Variants in JPH3 observed in about 807,000 individuals in gnomAD.
JPH3 encodes junctophilin-3.
Under a neutral mutation model 59.6 loss-of-function variants are expected in JPH3, and 11 were observed. The observed-to-expected ratio is 0.18, with a 90% CI of 0.12 to 0.31. The LOEUF is 0.31. JPH3 is among the 10% of genes least tolerant of loss of function. JPH3 has a pLI of 1.00. For missense variants in JPH3, 1,202 were observed against 1,105.7 expected, an observed-to-expected ratio of 1.09 and a Z score of -1.24; for synonymous variants, 673 against 483.6, an observed-to-expected ratio of 1.39 and a Z score of -5.14.
chr16:87,641,009 G>A (rs929116068), intron 1 of JPH3, among the ~76,000 whole-genome samples: 2 of 152,226 alleles, frequency 1.3e-5, no homozygotes, highest in South Asian at 4.1e-4. Flanking sequence ...GCCTGGAAGG[G>A]CGTTCGGGTG....
chr16:87,638,427 A>G (rs577040905), intron 1 of JPH3, among the ~76,000 whole-genome samples: 50 of 152,178 alleles, frequency 3.3e-4, no homozygotes, highest in Non-Finnish European at 6.6e-4. Context: ...CCGGAACGCC[A>G]GAGGCTACTG....
At chr16:87,680,872 A>G (rs1399141931) in intron 2 of JPH3, among the ~76,000 whole-genome samples, 1 of 152,218 alleles carries the variant, frequency 6.6e-6, no homozygotes, top group Non-Finnish European at 1.5e-5. Flanking sequence ...AAACACACGT[A>G]TGATGTTGGT....
At chr16:87,645,256 G>T (rs913746326) in intron 2 of JPH3, among the ~76,000 whole-genome samples, 1 of 152,214 alleles carries the variant, frequency 6.6e-6, no homozygotes, top group Non-Finnish European at 1.5e-5. Context: ...TGATTTGTGG[G>T]GGTGTAGAGG....
intron 2 of JPH3, among the ~76,000 whole-genome samples, chr16:87,659,816 A>G (rs944521921): frequency 6.6e-6 from 1 of 152,024 alleles, no homozygotes; most frequent in African/African-American, 2.4e-5. Context: ...ACCACCATCT[A>G]TCTCCAGAAC....
At chr16:87,620,486 G>GGAGAGAAGGAGAGGAGAGAGGGAGA (rs147963320) in intron 1 of JPH3, among the ~76,000 whole-genome samples, 4 of 134,798 alleles carry the variant, frequency 3.0e-5, no homozygotes, top group African/African-American at 1.1e-4. Flanking sequence ...GAGAAGAGAG[G>GGAGAGAAGGAGAGGAGAGAGGGAGA]GAGAGGGGGA....
chr16:87,605,592 A>G (rs1214454827), intron 1 of JPH3, among the ~76,000 whole-genome samples: 2 of 152,134 alleles, frequency 1.3e-5, no homozygotes, highest in Non-Finnish European at 2.9e-5. Flanking sequence ...AAGGGGAGAG[A>G]TGTTTTTCTC....
chr16:87,616,190 T>TGTGTG (rs2030950727), intron 1 of JPH3, among the ~76,000 whole-genome samples: 2 of 116,048 alleles, frequency 1.7e-5, no homozygotes, highest in South Asian at 3.1e-4. Flanking sequence ...CAATCTGGTT[T>TGTGTG]TGTGTGTGTG....
Position 87,603,532 on chromosome 16 carries a change from G to C in JPH3, c.382+4G>C, listed in dbSNP as rs975219744. On this transcript the variant is annotated splice_donor_region_variant and intron_variant, in intron 1 of 4. Coordinates refer to ENST00000284262, the MANE Select transcript of JPH3 (RefSeq NM_020655.4). ...ACCGAGACCTACTCGGACGGAGGTA[G>C]GTGCCGCGGGCCGGGCCGGGCCGGG... 1 of 1,546,924 alleles carries C rather than the reference G, an allele frequency of 6.5e-7. No homozygotes were observed. The highest frequency in any genetic ancestry group is 8.7e-7 in the Non-Finnish European group (1 of 1,146,040).
intron 2 of JPH3, among the ~76,000 whole-genome samples, chr16:87,683,072 G>A (rs866603398): frequency 4.6e-5 from 7 of 152,316 alleles, no homozygotes; most frequent in East Asian, 1.9e-4. Context: ...CATGGGTGTC[G>A]GCGTCATCTT....
intron 4 of JPH3, chr16:87,695,020 C>A: frequency 3.1e-6 from 1 of 326,984 alleles, no homozygotes; most frequent in South Asian, 2.6e-5. Context: ...TGTGTGCACA[C>A]ACAAGGTTTT....
chr16:87,616,337 C>A (rs1249109657), intron 1 of JPH3, among the ~76,000 whole-genome samples: 1 of 151,044 alleles, frequency 6.6e-6, no homozygotes, highest in Non-Finnish European at 1.5e-5. Flanking sequence ...GGGTTCACGC[C>A]GTTCTCCTGC....
intron 2 of JPH3, among the ~76,000 whole-genome samples, chr16:87,657,456 T>C (rs185316115): frequency 1.8e-3 from 268 of 152,318 alleles, no homozygotes; most frequent in South Asian, 3.7e-3. Flanking sequence ...GCGACGACAG[T>C]ACCCTGCAAG....
intron 1 of JPH3, among the ~76,000 whole-genome samples, chr16:87,612,195 C>G (rs1428360575): frequency 6.6e-6 from 1 of 152,186 alleles, no homozygotes; most frequent in African/African-American, 2.4e-5. Context: ...GTGATCGTGG[C>G]TCACTGCAAC....
intron 1 of JPH3, among the ~76,000 whole-genome samples, chr16:87,640,337 A>AG (rs1364492900): frequency 6.7e-6 from 1 of 150,040 alleles, no homozygotes; most frequent in Non-Finnish European, 1.5e-5. Context: ...CAAAAAAAAA[A>AG]GGGTTGTCCG....
intron 1 of JPH3, among the ~76,000 whole-genome samples, chr16:87,605,593 T>G (rs1468182895): frequency 6.6e-6 from 1 of 152,158 alleles, no homozygotes; most frequent in Non-Finnish European, 1.5e-5. Context: ...AGGGGAGAGA[T>G]GTTTTTCTCT....
At chr16:87,627,473 A>G (rs754814921) in intron 1 of JPH3, among the ~76,000 whole-genome samples, 108 of 152,044 alleles carry the variant, frequency 7.1e-4, no homozygotes, top group Non-Finnish European at 9.3e-4. Context: ...CCTCGTGCCC[A>G]GTGTTGTCTA....
At chr16:87,658,117 C>A (rs2032568510) in intron 2 of JPH3, among the ~76,000 whole-genome samples, 1 of 152,174 alleles carries the variant, frequency 6.6e-6, no homozygotes, top group African/African-American at 2.4e-5. Flanking sequence ...GAAGACACCA[C>A]CTGTGTGTTA....
intron 4 of JPH3, chr16:87,695,364 G>A: frequency 2.2e-6 from 1 of 456,140 alleles, no homozygotes; most frequent in Non-Finnish European, 4.4e-6. Context: ...AGCCATCCCT[G>A]AGGAATGTGC....
chr16:87,649,643 C>G (rs1177898402), intron 2 of JPH3, among the ~76,000 whole-genome samples: 1 of 152,182 alleles, frequency 6.6e-6, no homozygotes, highest in Non-Finnish European at 1.5e-5. Flanking sequence ...CCCTCATCCC[C>G]ACCCGCCGTG....
Sources: gnomAD v4.1 joint callset for allele counts (sites outside exome capture counted in the v4.1 genomes callset) on GRCh38, gnomAD v4.1.1 for gene constraint, MANE v1.5 for transcripts, NCBI Gene and HGNC (gene_info 2026-07-23, HGNC 2026-07-21) for gene names.